Variants in EPHB2 observed in about 807,000 individuals in gnomAD.
EPHB2 encodes ephrin type-B receptor 2.
In EPHB2, 18 loss-of-function variants were observed where a neutral mutation model predicts 96.4. The ratio of observed to expected loss-of-function variants is 0.19; its 90% CI spans 0.13 to 0.28. The LOEUF is 0.28. Ranked by LOEUF, EPHB2 falls within the 10% of genes least tolerant of loss-of-function variation. The pLI is 1.00. For missense variants in EPHB2, 989 were observed against 1,355.4 expected (o/e 0.73, Z 4.25); for synonymous variants, 506 against 534.1 (o/e 0.95, Z 0.72).
chr1:22,905,459 A>G (rs1282689657), intron 9 of EPHB2, among the ~76,000 whole-genome samples: 2 of 152,088 alleles, frequency 1.3e-5, no homozygotes, highest in Admixed American at 1.3e-4. Flanking sequence ...GCAGCTAGAA[A>G]GGGACCCTGG....
chr1:22,792,684 G>A (rs866423192), intron 3 of EPHB2, among the ~76,000 whole-genome samples: 1 of 152,274 alleles, frequency 6.6e-6, no homozygotes, highest in South Asian at 2.1e-4. Context: ...GCTCAGTGAT[G>A]TCTTCATTGA....
chr1:22,772,639 A>G (rs965208393), intron 1 of EPHB2, among the ~76,000 whole-genome samples: 5 of 152,042 alleles, frequency 3.3e-5, no homozygotes, highest in African/African-American at 1.2e-4. Context: ...TCCCATTCTC[A>G]TGATGTTTAT....
rs201337795 is a variant in EPHB2 at position 22,784,512 on chromosome 1, G to A, written c.247G>A (p.Ala83Thr). The change falls in exon 3 of 16, where the codon GCC becomes ACC. Residue 83 changes from alanine to threonine, a missense_variant. Transcript: ENST00000374630. The surrounding 1 kb of genome is among the most constrained non-coding windows in gnomAD (Gnocchi z 5.1). ...GACCAAGTTTATCCGGCGCCGTGGC[G>A]CCCACCGCATCCACGTGGAGATGAA... Reference protein sequence around the residue: ...LRTKFIRRRGAHRIHVEMKFS... With the variant: ...LRTKFIRRRGTHRIHVEMKFS... 24 of 1,613,658 alleles carry A rather than the reference G, an allele frequency of 1.5e-5. No individual in the cohort carries two copies. The highest frequency in any genetic ancestry group is 6.7e-5 in the Admixed American group (4 of 60,012).
chr1:22,787,561 G>A (rs1644630411), intron 3 of EPHB2, among the ~76,000 whole-genome samples: 1 of 152,094 alleles, frequency 6.6e-6, no homozygotes, highest in Non-Finnish European at 1.5e-5. Flanking sequence ...ACCAACCTGG[G>A]CAACATAGTG....
chr1:22,792,251 G>T (rs1644705189), intron 3 of EPHB2, among the ~76,000 whole-genome samples: 2 of 152,162 alleles, frequency 1.3e-5, no homozygotes, highest in South Asian at 4.1e-4. Context: ...CCAGCTGGCA[G>T]CCTGTGCTAT....
chr1:22,726,148 G>A lies in EPHB2; in HGVS notation c.61+15105G>A, dbSNP rs1570157894. Among the ~76,000 whole-genome samples the A allele has an allele frequency of 3.3e-5, 5 of 152,294 alleles. 1 individual carries two copies. The East Asian group carries it at 7.7e-4, about 23-fold the overall frequency. On this transcript the variant is annotated intron_variant, in intron 1 of 15. Coordinates refer to ENST00000374630, the MANE Select transcript of EPHB2 (RefSeq NM_017449.5). Reference sequence around the variant, plus strand: ...ATTAAAGAGAATCAATGTTCTGATGGCAAAGAATTATATCCCAGTAGAGGT... The same window carrying A: ...ATTAAAGAGAATCAATGTTCTGATGACAAAGAATTATATCCCAGTAGAGGT...
chr1:22,797,343 T>A (rs1291282606), intron 3 of EPHB2, among the ~76,000 whole-genome samples: 1 of 152,222 alleles, frequency 6.6e-6, no homozygotes, highest in African/African-American at 2.4e-5. Flanking sequence ...AGACCTCATC[T>A]TCTTCGACCT....
At position 22,715,960 on chromosome 1, in the gene EPHB2, G is replaced by A. The variant is rs546158673; in HGVS notation, c.61+4917G>A. On this transcript the variant is annotated intron_variant, in intron 1 of 15. Transcript: ENST00000374630. ...AAATGCTGGTCTCAACCCCTCTAAGGTCCTTCCCTCAATGATGGCGACGTG... is the reference window on the plus strand; with the variant it reads ...AAATGCTGGTCTCAACCCCTCTAAGATCCTTCCCTCAATGATGGCGACGTG... Among the ~76,000 whole-genome samples the A allele has an allele frequency of 4.6e-5, 7 of 152,250 alleles. No individual in the cohort carries two copies. In the South Asian group the frequency reaches 1.2e-3, roughly 27 times the overall value.
At chr1:22,871,992 G>A (rs1471542119) in intron 5 of EPHB2, among the ~76,000 whole-genome samples, 1 of 149,894 alleles carries the variant, frequency 6.7e-6, no homozygotes, top group Admixed American at 6.8e-5. Flanking sequence ...CTCCAGCCTG[G>A]GTAACAGAGC....
chr1:22,742,350 G>C lies in EPHB2; in HGVS notation c.61+31307G>C, dbSNP rs139994101. Among the ~76,000 whole-genome samples, 363 of 152,236 alleles carry C rather than the reference G, an allele frequency of 2.4e-3. 1 individual carries two copies. Among genetic ancestry groups the C allele is most frequent in the African/African-American group, 8.4e-3 (350 of 41,546 alleles). ...AGTTAGGAATAATGGAGGAAAGTTGGTAGAAAGGGTGGGGGCAGGGGCAAA... is the reference window on the plus strand; with the variant it reads ...AGTTAGGAATAATGGAGGAAAGTTGCTAGAAAGGGTGGGGGCAGGGGCAAA... On this transcript the variant is annotated intron_variant, in intron 1 of 15. Coordinates refer to ENST00000374630, the MANE Select transcript of EPHB2 (RefSeq NM_017449.5).
intron 3 of EPHB2, among the ~76,000 whole-genome samples, chr1:22,803,723 A>G (rs1013572600): frequency 2.0e-5 from 3 of 149,078 alleles, no homozygotes; most frequent in Non-Finnish European, 3.0e-5. Flanking sequence ...GTGTATATAT[A>G]TGTATATGTG....
Position 22,895,662 on chromosome 1 carries a change from C to A in EPHB2, c.1700+82C>A, listed in dbSNP as rs56273113. The A allele has an allele frequency of 5.2e-3, 6,736 of 1,301,172 alleles. 247 individuals carry two copies. In the African/African-American group the frequency reaches 0.081, roughly 16 times the overall value. 80.6% of individuals were successfully genotyped at this position (1,301,172 alleles called of 1,614,324 possible). ...TCTATTCAGTCATCCCTCTACAGTG[C>A]TGGTGAACCGAGGAGGCATTCTCAC... On this transcript the variant is annotated intron_variant, in intron 8 of 15. Transcript: ENST00000374630.
chr1:22,898,612 C>A (rs1295583563), intron 9 of EPHB2, among the ~76,000 whole-genome samples: 2 of 152,166 alleles, frequency 1.3e-5, no homozygotes, highest in Non-Finnish European at 2.9e-5. Context: ...GGATGACATG[C>A]TCCAAGTTAC....
intron 1 of EPHB2, among the ~76,000 whole-genome samples, chr1:22,754,723 G>C (rs927523177): frequency 6.8e-6 from 1 of 146,464 alleles, no homozygotes; most frequent in Non-Finnish European, 1.5e-5. Flanking sequence ...TCTGTGTGCC[G>C]TGTGTCAGGA....
intron 3 of EPHB2, among the ~76,000 whole-genome samples, chr1:22,818,282 G>A (rs1159454549): frequency 6.6e-6 from 1 of 152,036 alleles, no homozygotes; most frequent in Non-Finnish European, 1.5e-5. Flanking sequence ...CCTCACCTCA[G>A]GCTGGCTATG....
intron 2 of EPHB2, 75 bp downstream of exon 2, chr1:22,781,560 C>T (rs888784860): frequency 6.8e-7 from 1 of 1,470,552 alleles, no homozygotes; most frequent in Admixed American, 1.7e-5. Flanking sequence ...CGAATGCCCC[C>T]TCATATTCTA....
At chr1:22,883,644 T>A (rs1459113394) in intron 6 of EPHB2, among the ~76,000 whole-genome samples, 2 of 152,218 alleles carry the variant, frequency 1.3e-5, no homozygotes, top group Admixed American at 6.5e-5. Flanking sequence ...CCAGTCCTGC[T>A]GGAGCCCAAC....
intron 1 of EPHB2, among the ~76,000 whole-genome samples, chr1:22,759,106 C>T (rs2148391845): frequency 6.6e-6 from 1 of 152,222 alleles, no homozygotes; most frequent in Non-Finnish European, 1.5e-5. Context: ...TTTGCTCCCT[C>T]CTCAGGTCTT....
intron 3 of EPHB2, among the ~76,000 whole-genome samples, chr1:22,844,486 G>A (rs1645513297): frequency 6.6e-6 from 1 of 152,232 alleles, no homozygotes; most frequent in African/African-American, 2.4e-5. Flanking sequence ...GGGGTCTTAG[G>A]GGTAGGCAGG....
Sources: gnomAD v4.1 joint callset for allele counts (sites outside exome capture counted in the v4.1 genomes callset) on GRCh38, gnomAD v4.1.1 for gene constraint, Gnocchi (gnomAD v3.1) non-coding constraint, MANE v1.5 for transcripts, NCBI Gene and HGNC (gene_info 2026-07-23, HGNC 2026-07-21) for gene names.